Variants in GLIS3 observed in about 807,000 individuals in gnomAD.
GLIS3 encodes zinc finger protein GLIS3.
Under a neutral mutation model 78.6 loss-of-function variants are expected in GLIS3, and 53 were observed. The observed-to-expected ratio is 0.67, with a 90% CI of 0.54 to 0.85. The LOEUF (loss-of-function observed/expected upper bound fraction) is 0.85. Ranked by LOEUF, GLIS3 falls within the 40% of genes least tolerant of loss-of-function variation. GLIS3 has a pLI of 0.00. For synonymous variants in GLIS3, 684 were observed against 509.9 expected, an observed-to-expected ratio of 1.34 and a Z score of -4.60; for missense variants, 1,703 against 1,231.1, an observed-to-expected ratio of 1.38 and a Z score of -5.74.
At chr9:4,041,659 T>C (rs1157015362) in intron 4 of GLIS3, among the ~76,000 whole-genome samples, 1 of 152,208 alleles carries the variant, frequency 6.6e-6, no homozygotes, top group Non-Finnish European at 1.5e-5. Context: ...TAAGATGGCA[T>C]GTTTTATTTC....
rs182135205 is a variant in GLIS3 at position 3,953,379 on chromosome 9, A to G, written c.1711-16190T>C. ...GGATTTCTTTCCATTTATGTGATCA[A>G]TATTGTACAGATCATTCCTTCCAAC... On this transcript the variant is annotated intron_variant, in intron 4 of 10. Transcript: ENST00000381971. Among the ~76,000 whole-genome samples the G allele has an allele frequency of 7.4e-3, 1,134 of 152,272 alleles. 7 individuals are homozygous for G. The highest frequency in any genetic ancestry group is 0.011 in the Non-Finnish European group (766 of 68,014).
chr9:4,254,229 T>C (rs891288447), intron 2 of GLIS3, among the ~76,000 whole-genome samples: 1 of 152,180 alleles, frequency 6.6e-6, no homozygotes, highest in African/African-American at 2.4e-5. Context: ...ATAACCTCTA[T>C]TAGTAAAACC....
At chr9:4,082,952 G>C (rs1828685168) in intron 4 of GLIS3, among the ~76,000 whole-genome samples, 1 of 152,264 alleles carries the variant, frequency 6.6e-6, no homozygotes, top group Middle Eastern at 3.4e-3. Flanking sequence ...TGCTATTTTA[G>C]ATGGGTAACT....
chr9:4,261,058 T>C (rs1825482258), intron 2 of GLIS3, among the ~76,000 whole-genome samples: 1 of 152,240 alleles, frequency 6.6e-6, no homozygotes, highest in African/African-American at 2.4e-5. Context: ...GAATTAGAGA[T>C]GTTTAAGCCC....
chr9:4,085,744 G>T (rs1828969244), intron 4 of GLIS3, among the ~76,000 whole-genome samples: 1 of 152,056 alleles, frequency 6.6e-6, no homozygotes, highest in Admixed American at 6.6e-5. Context: ...GAATTCTCAT[G>T]AGATCTGGTT....
At chr9:3,907,005 T>C (rs1823751184) in intron 6 of GLIS3, among the ~76,000 whole-genome samples, 1 of 152,104 alleles carries the variant, frequency 6.6e-6, no homozygotes, top group Admixed American at 6.5e-5. Context: ...AAACCTCCCC[T>C]GACCAGACCA....
intron 2 of GLIS3, among the ~76,000 whole-genome samples, chr9:4,209,783 T>A (rs1313197187): frequency 1.4e-5 from 2 of 147,922 alleles, no homozygotes; most frequent in Non-Finnish European, 3.0e-5. Context: ...AGCATCCCTG[T>A]CCACTGTCCA....
At chr9:4,092,533 AT>A (rs1321667046) in intron 4 of GLIS3, among the ~76,000 whole-genome samples, 1 of 152,124 alleles carries the variant, frequency 6.6e-6, no homozygotes, top group Non-Finnish European at 1.5e-5. Flanking sequence ...GCTTTTAAAA[AT>A]TTTTTTAAAC....
intron 4 of GLIS3, among the ~76,000 whole-genome samples, chr9:4,057,300 C>G (rs1194990480): frequency 6.6e-6 from 1 of 152,042 alleles, no homozygotes. Context: ...ACAAGGGGCC[C>G]CACATTTTCA....
chr9:3,870,358 AAG>A (rs1337513721), intron 8 of GLIS3, among the ~76,000 whole-genome samples: 1 of 152,230 alleles, frequency 6.6e-6, no homozygotes, highest in Non-Finnish European at 1.5e-5. Context: ...CACTGGGCCA[AAG>A]AGAAAATTAA....
At chr9:4,088,435 G>C (rs1273017587) in intron 4 of GLIS3, among the ~76,000 whole-genome samples, 2 of 152,202 alleles carry the variant, frequency 1.3e-5, no homozygotes, top group Non-Finnish European at 2.9e-5. Context: ...AATGAGAGAT[G>C]AATGACAGCC....
intron 2 of GLIS3, among the ~76,000 whole-genome samples, chr9:4,192,341 CT>C (rs1818403218): frequency 6.6e-6 from 1 of 152,148 alleles, no homozygotes. Flanking sequence ...CAGTTATTTT[CT>C]AATTTTATTT....
chr9:4,215,762 T>G (rs890041129), intron 2 of GLIS3, among the ~76,000 whole-genome samples: 1 of 152,216 alleles, frequency 6.6e-6, no homozygotes, highest in Non-Finnish European at 1.5e-5. Flanking sequence ...AACATTGTGG[T>G]ACTACAAAGT....
chr9:4,234,058 T>A (rs1166749932), intron 2 of GLIS3, among the ~76,000 whole-genome samples: 1 of 152,222 alleles, frequency 6.6e-6, no homozygotes, highest in Non-Finnish European at 1.5e-5. Flanking sequence ...TGGATTAGGC[T>A]TTAGCTTGAG....
At chr9:4,414,259 C>T in the GLIS3 span, among the ~76,000 whole-genome samples, 1 of 152,276 alleles carries the variant, frequency 6.6e-6, no homozygotes, top group Non-Finnish European at 1.5e-5. Context: ...ATTAGATAAT[C>T]CAGCATGAGC....
At chr9:4,255,244 C>A (rs1486140348) in intron 2 of GLIS3, among the ~76,000 whole-genome samples, 1 of 152,194 alleles carries the variant, frequency 6.6e-6, no homozygotes, top group Admixed American at 6.5e-5. Context: ...GCAACAGGAA[C>A]TCTCATTCAG....
intron 4 of GLIS3, among the ~76,000 whole-genome samples, chr9:4,025,762 T>G (rs1382851683): frequency 6.6e-6 from 1 of 152,158 alleles, no homozygotes; most frequent in Non-Finnish European, 1.5e-5. Context: ...GGACAGAGGA[T>G]AGGCCACAGA....
At chr9:4,472,780 T>C in the GLIS3 span, among the ~76,000 whole-genome samples, 2 of 152,102 alleles carry the variant, frequency 1.3e-5, no homozygotes, top group Admixed American at 6.6e-5. Context: ...AAAATTGTCG[T>C]CATTTACAGA....
intron 4 of GLIS3, among the ~76,000 whole-genome samples, chr9:4,058,808 A>G (rs568253070): frequency 2.0e-3 from 303 of 152,036 alleles, no homozygotes; most frequent in East Asian, 0.01. Flanking sequence ...GTGAAACCCC[A>G]TCTCTACTAA....
Sources: gnomAD v4.1 joint callset for allele counts (sites outside exome capture counted in the v4.1 genomes callset) on GRCh38, gnomAD v4.1.1 for gene constraint, MANE v1.5 for transcripts, NCBI Gene and HGNC (gene_info 2026-07-23, HGNC 2026-07-21) for gene names.